PPM1A: variants seen among roughly 807,000 people sequenced by gnomAD.
PPM1A encodes protein phosphatase 1A.
In PPM1A, 7 loss-of-function variants were observed where a neutral mutation model predicts 35.0. The observed-to-expected ratio is 0.20, with a 90% CI of 0.11 to 0.38. The LOEUF (loss-of-function observed/expected upper bound fraction) is 0.38. PPM1A is among the 10% of genes least tolerant of loss of function. The probability of loss-of-function intolerance (pLI) is 1.00; values close to 1 mark genes in which losing one functional copy is unlikely to be tolerated. For missense variants in PPM1A, 239 were observed against 467.8 expected, an observed-to-expected ratio of 0.51 and a Z score of 4.51; for synonymous variants, 153 against 167.3, an observed-to-expected ratio of 0.91 and a Z score of 0.66.
In PPM1A at chr14:60,253,973, T is replaced by C. The variant is rs1238158131; in HGVS notation, c.-21+4296T>C. The stretch of plus-strand genomic sequence containing the variant: ...CTTGATTTCTTAAACCTGTTTTTTT[T>C]TATGTCAAGTGGAAATACTTTTGTC... On this transcript the variant is annotated intron_variant, in intron 1 of 5. Coordinates refer to ENST00000395076, the MANE Select transcript of PPM1A (RefSeq NM_021003.5). 2.6e-5 allele frequency among the ~76,000 whole-genome samples: 4 copies of C among 152,222 alleles called. No homozygotes were observed. The East Asian group carries it at 5.8e-4, about 22-fold the overall frequency.
In PPM1A at chr14:60,289,484, A is replaced by G. The variant is rs946024556; in HGVS notation, c.953-322A>G. 4.6e-5 allele frequency among the ~76,000 whole-genome samples: 7 copies of G among 152,190 alleles called. No individual in the cohort carries two copies. The highest frequency in any genetic ancestry group is 1.3e-4 in the Admixed American group (2 of 15,278). On this transcript the variant is annotated intron_variant, in intron 3 of 5. Coordinates refer to ENST00000395076, the MANE Select transcript of PPM1A (RefSeq NM_021003.5). The surrounding 1 kb of genome is among the most constrained non-coding windows in gnomAD (Gnocchi z 4.1). The stretch of plus-strand genomic sequence containing the variant: ...CCAGTCTAAAGAGAGGAGTGATGTA[A>G]GAAGAAACTAGTTGACATCTTAAGA...
chr14:60,250,286 T>G, intron 1 of PPM1A: 1 of 258,112 alleles, frequency 3.9e-6, no homozygotes, highest in Non-Finnish European at 6.1e-6. Context: ...TCCATTGAAG[T>G]AAATTCCGAT....
At chr14:60,281,195 G>A (rs911586003) in intron 1 of PPM1A, among the ~76,000 whole-genome samples, 1 of 152,128 alleles carries the variant, frequency 6.6e-6, no homozygotes, top group Admixed American at 6.5e-5. Flanking sequence ...TTTGCAGTGT[G>A]TATCAACTTG....
At position 60,283,609 on chromosome 14, in the gene PPM1A, C is replaced by T; in HGVS notation, c.834+72C>T. The T allele has an allele frequency of 6.9e-7, 1 of 1,448,740 alleles. No individual in the cohort carries two copies. The highest frequency in any genetic ancestry group is 1.4e-5 in the South Asian group (1 of 72,112). The allele number at this position is 1,448,740 out of a possible 1,614,324, so 89.7% of individuals were successfully genotyped here. ...AATCACTACTCTAGTATTTAATCAT[C>T]TTAGAATCTGTAATTCTGAAACCAG... On this transcript the variant is annotated intron_variant, in intron 2 of 5. Transcript: ENST00000395076. The surrounding 1 kb of genome is among the most constrained non-coding windows in gnomAD (Gnocchi z 6.3).
chr14:60,270,633 T>C lies in PPM1A; in HGVS notation c.-20-12051T>C, dbSNP rs940282203. ...TATTTTAGTTATCATATTTCATTATTTTTGAGAGAAATGATAGGGATTTTG... is the reference window on the plus strand; with the variant it reads ...TATTTTAGTTATCATATTTCATTATCTTTGAGAGAAATGATAGGGATTTTG... On this transcript the variant is annotated intron_variant, in intron 1 of 5. Transcript: ENST00000395076. Among the ~76,000 whole-genome samples, 7 of 152,218 alleles carry C rather than the reference T, an allele frequency of 4.6e-5. 1 individual carries two copies. The highest frequency in any genetic ancestry group is 8.8e-5 in the Non-Finnish European group (6 of 68,038).
upstream of PPM1A, chr14:60,246,027 G>A: frequency 1.3e-6 from 2 of 1,574,776 alleles, no homozygotes; most frequent in African/African-American, 1.4e-5. Context: ...GGATGTGTGA[G>A]AGAAAAAAAT....
At chr14:60,245,802 C>A, upstream of PPM1A, 1 of 1,506,522 alleles carries the variant, frequency 6.6e-7, no homozygotes, top group Non-Finnish European at 8.9e-7. The surrounding 1 kb of genome is among the most constrained non-coding windows in gnomAD (Gnocchi z 4.2). Flanking sequence ...GTAGGGGGCA[C>A]ACCCTCTCCC....
At chr14:60,255,110 C>T (rs1411205422) in intron 1 of PPM1A, among the ~76,000 whole-genome samples, 1 of 151,484 alleles carries the variant, frequency 6.6e-6, no homozygotes, top group African/African-American at 2.4e-5. Flanking sequence ...TGTTTAATCT[C>T]TCCTTTCTCT....
intron 1 of PPM1A, among the ~76,000 whole-genome samples, chr14:60,262,038 A>AT (rs1014392436): frequency 7.2e-5 from 11 of 152,268 alleles, no homozygotes; most frequent in Middle Eastern, 3.4e-3. Flanking sequence ...CTTATACTTA[A>AT]TTTTTTAAGG....
chr14:60,255,178 TG>T (rs1555339248), intron 1 of PPM1A, among the ~76,000 whole-genome samples: 1,296 of 111,176 alleles, frequency 0.012, 215 homozygotes, highest in African/African-American at 0.047. Context: ...TTTTTTGTTT[TG>T]TTTTGTTTTT....
At chr14:60,268,623 A>G (rs1365045532) in intron 1 of PPM1A, among the ~76,000 whole-genome samples, 4 of 150,634 alleles carry the variant, frequency 2.7e-5, no homozygotes, top group South Asian at 4.2e-4. Flanking sequence ...TATTTAGTAT[A>G]CTGATTTTCT....
chr14:60,271,338 T>G (rs1337850656), intron 1 of PPM1A, among the ~76,000 whole-genome samples: 1 of 152,172 alleles, frequency 6.6e-6, no homozygotes, highest in Non-Finnish European at 1.5e-5. Flanking sequence ...TGCAAAGACC[T>G]TTTTTTCCAA....
intron 1 of PPM1A, among the ~76,000 whole-genome samples, chr14:60,271,783 G>GT (rs760442840): frequency 3.8e-4 from 56 of 146,894 alleles, no homozygotes; most frequent in Admixed American, 6.1e-4. Flanking sequence ...AGAATAAGAG[G>GT]TTTTTTTTTT....
At chr14:60,260,345 G>C (rs955054136) in intron 1 of PPM1A, among the ~76,000 whole-genome samples, 5 of 151,866 alleles carry the variant, frequency 3.3e-5, no homozygotes, top group African/African-American at 9.7e-5. Flanking sequence ...TTTATTTAAG[G>C]CTATAAGTTG....
intron 2 of PPM1A, among the ~76,000 whole-genome samples, chr14:60,284,502 T>C (rs1886734886): frequency 1.3e-5 from 2 of 151,338 alleles, no homozygotes; most frequent in East Asian, 1.9e-4. Context: ...ATTAGCCGGG[T>C]GTGGTGGCGG....
At chr14:60,250,593 G>C in intron 1 of PPM1A, 1 of 195,570 alleles carries the variant, frequency 5.1e-6, no homozygotes, top group Non-Finnish European at 9.3e-6. Flanking sequence ...CAAGTTTCCT[G>C]CTCATTGGAA....
upstream of PPM1A, among the ~76,000 whole-genome samples, chr14:60,247,227 G>A (rs923589320): frequency 6.6e-6 from 1 of 152,078 alleles, no homozygotes; most frequent in Middle Eastern, 3.2e-3. Flanking sequence ...TGGGGGGTCG[G>A]GGAGATATGT....
rs746894375 is a variant in PPM1A at position 60,289,832 on chromosome 14, G to A, written c.979G>A (p.Val327Ile). The A allele has an allele frequency of 1.1e-5, 17 of 1,608,246 alleles. No homozygotes were observed. Among genetic ancestry groups the A allele is most frequent in the Middle Eastern group, 1.6e-4 (1 of 6,068 alleles). The stretch of plus-strand genomic sequence containing the variant: ...AATCATAAAGAAGCAGGGGGAAGGC[G>A]TCCCCGACTTAGTCCATGTGATGCG... ...EEIIKKQGEG[V>I]PDLVHVMRTL... Residue 327 changes from valine (V) to isoleucine (I), a missense_variant, in exon 4 of 6, where the codon GTC (valine) becomes ATC (isoleucine). Transcript: ENST00000395076. The surrounding 1 kb of genome is among the most constrained non-coding windows in gnomAD (Gnocchi z 4.1).
Position 60,249,590 on chromosome 14 carries a change from C to G in PPM1A, c.-108C>G. On this transcript the variant is annotated 5_prime_UTR_variant, in exon 1 of 6. Coordinates refer to ENST00000395076, the MANE Select transcript of PPM1A (RefSeq NM_021003.5). The surrounding 1 kb of genome is among the most constrained non-coding windows in gnomAD (Gnocchi z 4.5). Reference sequence around the variant, plus strand: ...CAGCGGTGACCCCTCCCCCGGCTGCCGCCGTCGCCGCCGCGGTGACCCCCT... The same window carrying G: ...CAGCGGTGACCCCTCCCCCGGCTGCGGCCGTCGCCGCCGCGGTGACCCCCT... 2.0e-6 allele frequency: 2 copies of G among 987,302 alleles called. No individual in the cohort carries two copies. The highest frequency in any genetic ancestry group is 2.4e-6 in the Non-Finnish European group (2 of 831,658). The allele number at this position is 987,302 out of a possible 1,614,324, so 61.2% of individuals were successfully genotyped here. A position where few individuals can be genotyped will look rare whatever the true frequency, so the allele number is the denominator to read the frequency against.
Sources: allele counts gnomAD v4.1 joint callset (sites outside exome capture counted in the v4.1 genomes callset), GRCh38; gene constraint gnomAD v4.1.1; non-coding constraint Gnocchi (gnomAD v3.1); transcripts MANE v1.5; gene names NCBI Gene and HGNC (gene_info 2026-07-23, HGNC 2026-07-21).